Variants in CPNE8 observed in about 807,000 individuals in gnomAD.
CPNE8 encodes the protein copine 8.
In CPNE8, 45 loss-of-function variants were observed where a neutral mutation model predicts 81.5. The observed-to-expected ratio is 0.55, with a 90% CI of 0.44 to 0.71. The LOEUF is 0.71. CPNE8 is among the 30% of genes least tolerant of loss of function. The pLI, the probability that CPNE8 is intolerant of heterozygous loss-of-function variation, is 0.00. For missense variants in CPNE8, 594 were observed against 672.1 expected (o/e 0.88, Z 1.28); for synonymous variants, 252 against 226.3 (o/e 1.11, Z -1.02).
chr12:38,705,388 C>T (rs992300165), intron 13 of CPNE8, among the ~76,000 whole-genome samples: 1 of 152,144 alleles, frequency 6.6e-6, no homozygotes, highest in Non-Finnish European at 1.5e-5. Context: ...ATCAAATTCA[C>T]ACATTTTTTT....
chr12:38,693,778 CCA>C lies in CPNE8; in HGVS notation c.1020_1021del (p.Tyr340Ter). ...TTCTCCCACTGCTTTTAGTGCCATA[CCA>C]TAGGCATTCAGTTGGTAAGGATTCA... On this transcript the variant is annotated stop_gained and frameshift_variant, in exon 15 of 20. Transcript: ENST00000331366. LOFTEE classifies it high-confidence loss of function. The C allele has an allele frequency of 6.2e-7, 1 of 1,613,148 alleles. No individual in the cohort carries two copies.
At chr12:38,794,068 T>C (rs1427684932) in intron 6 of CPNE8, among the ~76,000 whole-genome samples, 1 of 152,070 alleles carries the variant, frequency 6.6e-6, no homozygotes, top group Non-Finnish European at 1.5e-5. Context: ...TAAACTCAAA[T>C]GGATTAAAGA....
chr12:38,829,607 T>A, intron 5 of CPNE8, 152 bp from the exon 6 acceptor site: 1 of 573,680 alleles, frequency 1.7e-6, no homozygotes, highest in Non-Finnish European at 3.1e-6. Context: ...TATGCATTAA[T>A]CTTACCATGT....
intron 16 of CPNE8, among the ~76,000 whole-genome samples, chr12:38,678,466 G>A (rs778103495): frequency 6.6e-6 from 1 of 151,732 alleles, no homozygotes. Context: ...GGTTCTCTTA[G>A]GAGATAGGAT....
intron 5 of CPNE8, among the ~76,000 whole-genome samples, chr12:38,837,529 T>C (rs1202382420): frequency 1.3e-5 from 2 of 151,802 alleles, no homozygotes; most frequent in Non-Finnish European, 2.9e-5. Context: ...TATAGTGAGA[T>C]GAGATAAAAA....
intron 10 of CPNE8, among the ~76,000 whole-genome samples, chr12:38,735,121 C>T (rs12822721): frequency 0.085 from 12,905 of 152,060 alleles, 722 homozygotes; most frequent in Non-Finnish European, 0.13. Flanking sequence ...GGGAACAACA[C>T]CCTTAGTTTT....
intron 11 of CPNE8, among the ~76,000 whole-genome samples, chr12:38,728,853 A>C: frequency 6.6e-6 from 1 of 152,194 alleles, no homozygotes; most frequent in South Asian, 2.1e-4. Flanking sequence ...ATGGTCTCCT[A>C]GATTTTCTTC....
rs1271648680 is a variant in CPNE8, at chr12:38,833,043, C to G, written c.331-3588G>C. On this transcript the variant is annotated intron_variant, in intron 5 of 19. Coordinates refer to ENST00000331366, the MANE Select transcript of CPNE8 (RefSeq NM_153634.3). ...GTACATTTCTTTTCCCTCAGCACAACTGTTGGTTTTTAAGATATTTTTGGC... is the reference window on the plus strand; with the variant it reads ...GTACATTTCTTTTCCCTCAGCACAAGTGTTGGTTTTTAAGATATTTTTGGC... 2.1e-5 allele frequency among the ~76,000 whole-genome samples: 3 copies of G among 143,146 alleles called. No homozygotes were observed. In the East Asian group the frequency reaches 5.9e-4, roughly 28 times the overall value. The allele number at this position is 143,146 out of a possible 152,430, so 93.9% of individuals were successfully genotyped here.
At chr12:38,794,053 A>G (rs1942395356) in intron 6 of CPNE8, among the ~76,000 whole-genome samples, 1 of 152,112 alleles carries the variant, frequency 6.6e-6, no homozygotes, top group Non-Finnish European at 1.5e-5. Context: ...CACTATACAC[A>G]AAAATAAACT....
intron 19 of CPNE8, among the ~76,000 whole-genome samples, chr12:38,666,937 T>A (rs1939069020): frequency 6.6e-6 from 1 of 152,198 alleles, no homozygotes; most frequent in Non-Finnish European, 1.5e-5. Context: ...AATTAAGGAC[T>A]GAGTGATTTA....
At chr12:38,692,004 A>G (rs1031303919) in intron 15 of CPNE8, among the ~76,000 whole-genome samples, 5 of 152,118 alleles carry the variant, frequency 3.3e-5, no homozygotes, top group African/African-American at 1.2e-4. Flanking sequence ...TCAAAGAACA[A>G]ATTAATGCTG....
At chr12:38,754,864 G>C (rs1296105541) in intron 10 of CPNE8, among the ~76,000 whole-genome samples, 6 of 152,138 alleles carry the variant, frequency 3.9e-5, no homozygotes, top group Non-Finnish European at 8.8e-5. Context: ...AAACTTGCCT[G>C]TTAAATACAG....
chr12:38,794,337 T>A (rs74499607), intron 6 of CPNE8, among the ~76,000 whole-genome samples: 1,952 of 152,222 alleles, frequency 0.013, 48 homozygotes, highest in African/African-American at 0.043. Context: ...AAGAACTGCT[T>A]TAAATAATCT....
At position 38,845,632 on chromosome 12, in the gene CPNE8, T is replaced by TAC. The variant is rs560993671; in HGVS notation, c.290+2925_290+2926dup. On this transcript the variant is annotated intron_variant, in intron 4 of 19. Transcript: ENST00000331366. ...TATATATATATAACTCGTGAACTAT[T>TAC]ACACTATTTCCACATTTACTTATGT... Among the ~76,000 whole-genome samples the TAC allele has an allele frequency of 9.5e-4, 144 of 152,212 alleles. 1 individual carries two copies. The highest frequency in any genetic ancestry group is 3.2e-3 in the African/African-American group (131 of 41,548).
At chr12:38,752,489 C>T (rs7315746) in intron 10 of CPNE8, among the ~76,000 whole-genome samples, 96,102 of 152,050 alleles carry the variant, frequency 0.63, 36,898 homozygotes, top group Non-Finnish European at 0.88. Flanking sequence ...AAAAAGCTGG[C>T]TCTGGCAAAG....
chr12:38,805,937 C>T (rs1156693951), intron 6 of CPNE8, among the ~76,000 whole-genome samples: 2 of 149,990 alleles, frequency 1.3e-5, no homozygotes, highest in Non-Finnish European at 3.0e-5. Flanking sequence ...ACCGATCCCA[C>T]AGAAATACAA....
In CPNE8 at chr12:38,905,569, C is replaced by G. The variant is rs1170309280; in HGVS notation, c.-35G>C. The G allele has an allele frequency of 9.1e-6, 14 of 1,545,892 alleles. No individual in the cohort carries two copies. The South Asian group carries it at 1.3e-4, about 14-fold the overall frequency. On this transcript the variant is annotated 5_prime_UTR_variant, in exon 1 of 20. Coordinates refer to ENST00000331366, the MANE Select transcript of CPNE8 (RefSeq NM_153634.3). ...AGGCGCCTTGGACTTGTCCGGCGCC[C>G]ACAACCACAGCTCGGGCGGACTGAG...
intron 3 of CPNE8, among the ~76,000 whole-genome samples, chr12:38,870,145 T>C (rs977929122): frequency 6.6e-6 from 1 of 152,230 alleles, no homozygotes; most frequent in African/African-American, 2.4e-5. Context: ...CAACAGATGC[T>C]AGAGAGGATG....
intron 6 of CPNE8, among the ~76,000 whole-genome samples, chr12:38,802,716 G>A (rs967563335): frequency 6.6e-5 from 10 of 151,550 alleles, no homozygotes; most frequent in Non-Finnish European, 1.5e-4. Context: ...ATGAATCCAG[G>A]AGCTGGTTTT....
Sources: gnomAD v4.1 joint callset for allele counts (sites outside exome capture counted in the v4.1 genomes callset) on GRCh38, gnomAD v4.1.1 for gene constraint, MANE v1.5 for transcripts, NCBI Gene and HGNC (gene_info 2026-07-23, HGNC 2026-07-21) for gene names.